The following HECW2 variants were observed in gnomAD, a reference collection of about 807,000 sequenced individuals.
HECW2 encodes the protein E3 ubiquitin-protein ligase HECW2.
In HECW2, 61 loss-of-function variants were observed where a neutral mutation model predicts 175.2. The observed-to-expected ratio is 0.35, with a 90% CI of 0.28 to 0.43. The LOEUF is 0.43. Ranked by LOEUF, HECW2 falls within the 20% of genes least tolerant of loss-of-function variation. The pLI, the probability that HECW2 is intolerant of heterozygous loss-of-function variation, is 1.00. For synonymous variants in HECW2, 671 were observed against 731.0 expected, an observed-to-expected ratio of 0.92 and a Z score of 1.32; for missense variants, 1,524 against 2,000.5, an observed-to-expected ratio of 0.76 and a Z score of 4.54.
rs1330539208 is a variant in HECW2 at position 196,317,255 on chromosome 2, TTAAC to T, written c.2434+15_2434+18del. ...CACCGTTTGATTAAGGTGGGCCCTT[TTAAC>T]TAACAGGTCCTCACTTGGTGGGAGA... On this transcript the variant is annotated intron_variant, in intron 10 of 28. Transcript: ENST00000644978. The T allele has an allele frequency of 1.3e-6, 2 of 1,590,842 alleles. No homozygotes were observed. The highest frequency in any genetic ancestry group is 2.2e-5 in the East Asian group (1 of 44,666).
intron 2 of HECW2, among the ~76,000 whole-genome samples, chr2:196,422,505 T>G (rs911028055): frequency 6.6e-6 from 1 of 151,994 alleles, no homozygotes; most frequent in East Asian, 1.9e-4. Flanking sequence ...AATAATCTAA[T>G]ATGGAAAAAA....
chr2:196,367,854 TTGTGTGTGTGTGTGTGTGTGTTTGTG>T (rs982743854), intron 2 of HECW2, among the ~76,000 whole-genome samples: 2 of 130,182 alleles, frequency 1.5e-5, no homozygotes, highest in Non-Finnish European at 3.3e-5. Context: ...TAGTACTCCA[TTGTGTGTGTGTGTGTGTGTGTTTGTG>T]TGTGTGTGTG....
chr2:196,590,223 G>A (rs971341751), intron 1 of HECW2, among the ~76,000 whole-genome samples: 1 of 152,066 alleles, frequency 6.6e-6, no homozygotes, highest in Middle Eastern at 3.2e-3. Context: ...TAAACCAACA[G>A]GAGTAAACTG....
chr2:196,213,305 G>A (rs1687355741), intron 28 of HECW2, among the ~76,000 whole-genome samples: 1 of 152,274 alleles, frequency 6.6e-6, no homozygotes, highest in Non-Finnish European at 1.5e-5. Flanking sequence ...AAAGAACAAA[G>A]TAAACACAGT....
chr2:196,545,678 G>A (rs187042746), intron 1 of HECW2, among the ~76,000 whole-genome samples: 3 of 152,210 alleles, frequency 2.0e-5, no homozygotes, highest in East Asian at 3.9e-4. Context: ...CATTCAATCC[G>A]TTCTGGCAGG....
chr2:196,526,478 C>T (rs1009364586), intron 1 of HECW2, among the ~76,000 whole-genome samples: 77 of 151,976 alleles, frequency 5.1e-4, no homozygotes, highest in Middle Eastern at 3.2e-3. Flanking sequence ...TCTCTCAGCT[C>T]GTCAACGTCA....
chr2:196,403,175 C>G (rs1694869149), intron 2 of HECW2, among the ~76,000 whole-genome samples: 2 of 152,138 alleles, frequency 1.3e-5, no homozygotes, highest in Non-Finnish European at 2.9e-5. Flanking sequence ...GGGTAGGACA[C>G]AGACATAGGC....
At chr2:196,382,794 C>CT (rs1694244172) in intron 2 of HECW2, among the ~76,000 whole-genome samples, 2 of 260 alleles carry the variant, frequency 7.7e-3, no homozygotes, top group South Asian at 0.25. Flanking sequence ...ACCAGGGTAG[C>CT]TCCATGATAA....
chr2:196,557,237 C>T (rs1689826711), intron 1 of HECW2, among the ~76,000 whole-genome samples: 1 of 151,912 alleles, frequency 6.6e-6, no homozygotes, highest in Non-Finnish European at 1.5e-5. Context: ...CTCTACTAAA[C>T]ATACAAAATT....
intron 10 of HECW2, chr2:196,316,900 A>C: frequency 5.2e-6 from 1 of 193,762 alleles, no homozygotes; most frequent in African/African-American, 2.3e-5. Flanking sequence ...AGTATATTAC[A>C]TAGAGTGAGG....
chr2:196,472,030 G>T (rs960071958), intron 1 of HECW2, among the ~76,000 whole-genome samples: 1 of 149,932 alleles, frequency 6.7e-6, no homozygotes, highest in Non-Finnish European at 1.5e-5. Flanking sequence ...ACTTATAGAC[G>T]AATGGATATA....
At chr2:196,518,866 T>C (rs957249495) in intron 1 of HECW2, among the ~76,000 whole-genome samples, 1 of 152,180 alleles carries the variant, frequency 6.6e-6, no homozygotes, top group East Asian at 1.9e-4. Flanking sequence ...CCAGTCTTTC[T>C]GCCAGGCCTG....
chr2:196,441,789 A>G (rs1298516502), intron 1 of HECW2, among the ~76,000 whole-genome samples: 2 of 152,206 alleles, frequency 1.3e-5, no homozygotes, highest in African/African-American at 4.8e-5. Context: ...GGAAAACCAG[A>G]AAATGTCCTT....
intron 2 of HECW2, among the ~76,000 whole-genome samples, chr2:196,389,549 A>G (rs1438176052): frequency 2.6e-5 from 4 of 152,154 alleles, no homozygotes; most frequent in African/African-American, 7.2e-5. Flanking sequence ...AACACCTACA[A>G]ACAGCCTGGG....
chr2:196,445,404 T>G (rs1385728272), intron 1 of HECW2, among the ~76,000 whole-genome samples: 1 of 152,200 alleles, frequency 6.6e-6, no homozygotes, highest in Non-Finnish European at 1.5e-5. Flanking sequence ...CTTGTTTAAT[T>G]AGCATTATTG....
chr2:196,354,426 C>T (rs1374747432), intron 2 of HECW2, among the ~76,000 whole-genome samples: 1 of 152,230 alleles, frequency 6.6e-6, no homozygotes, highest in East Asian at 1.9e-4. Flanking sequence ...GGGCTGAGCA[C>T]ACAGTCGCAG....
chr2:196,535,352 T>C (rs1231628734), intron 1 of HECW2, among the ~76,000 whole-genome samples: 1 of 152,204 alleles, frequency 6.6e-6, no homozygotes, highest in Non-Finnish European at 1.5e-5. Context: ...TCAAACATAA[T>C]GTATAGCAAA....
intron 2 of HECW2, among the ~76,000 whole-genome samples, chr2:196,380,358 A>G (rs1163773935): frequency 6.6e-6 from 1 of 152,206 alleles, no homozygotes; most frequent in African/African-American, 2.4e-5. Context: ...TCTCCTGGGT[A>G]TGCACACAGC....
At chr2:196,467,762 C>T (rs1697019763) in intron 1 of HECW2, among the ~76,000 whole-genome samples, 1 of 152,164 alleles carries the variant, frequency 6.6e-6, no homozygotes, top group African/African-American at 2.4e-5. Context: ...CCCCATGCTA[C>T]CTTTATCTCA....
Sources: gnomAD v4.1 joint callset for allele counts (sites outside exome capture counted in the v4.1 genomes callset) on GRCh38, gnomAD v4.1.1 for gene constraint, MANE v1.5 for transcripts, NCBI Gene and HGNC (gene_info 2026-07-23, HGNC 2026-07-21) for gene names.